MAML2: variants seen among roughly 807,000 people sequenced by gnomAD.
MAML2 encodes the protein mastermind-like protein 2.
Under a neutral mutation model 96.1 loss-of-function variants are expected in MAML2, and 22 were observed. The observed-to-expected ratio is 0.23, with a 90% confidence interval of 0.16 to 0.33. The LOEUF is 0.33. Among genes scored for constraint, MAML2 ranks in the 10% least tolerant of loss-of-function variants. The pLI is 1.00. For synonymous variants in MAML2, 561 were observed against 521.3 expected (o/e 1.08, Z -1.04); for missense variants, 1,367 against 1,392.4 (o/e 0.98, Z 0.29).
At chr11:96,230,865 A>G (rs1591085237) in intron 1 of MAML2, among the ~76,000 whole-genome samples, 1 of 152,368 alleles carries the variant, frequency 6.6e-6, no homozygotes, top group African/African-American at 2.4e-5. Context: ...GTGTTGTAAG[A>G]GATCATCACA....
At chr11:96,206,539 A>G (rs929181595) in intron 1 of MAML2, among the ~76,000 whole-genome samples, 1 of 152,240 alleles carries the variant, frequency 6.6e-6, no homozygotes, top group Non-Finnish European at 1.5e-5. Context: ...CGGAGGTTGC[A>G]GTGAGCCGAG....
chr11:96,172,970 T>C (rs1861321668), intron 1 of MAML2, among the ~76,000 whole-genome samples: 1 of 152,234 alleles, frequency 6.6e-6, no homozygotes, highest in Admixed American at 6.5e-5. Flanking sequence ...GCATGCACCC[T>C]TTTTGCCAGT....
intron 2 of MAML2, among the ~76,000 whole-genome samples, chr11:96,063,492 C>T (rs1018004051): frequency 1.3e-5 from 2 of 152,126 alleles, no homozygotes; most frequent in African/African-American, 4.8e-5. Context: ...TAATAACCAC[C>T]ATGGACTGAG....
intron 1 of MAML2, among the ~76,000 whole-genome samples, chr11:96,124,591 A>G (rs918574898): frequency 1.5e-4 from 23 of 152,322 alleles, no homozygotes; most frequent in African/African-American, 4.6e-4. Flanking sequence ...TGCACACTCA[A>G]AGGATAAAGT....
chr11:95,991,527 G>A lies in MAML2; in HGVS notation c.2336C>T (p.Ala779Val), dbSNP rs754872522. 5 of 1,613,102 alleles carry A rather than the reference G, an allele frequency of 3.1e-6. No individual in the cohort carries two copies. In the South Asian group the frequency reaches 3.3e-5, roughly 11 times the overall value. ...QQLLLQQQML[A>V]DAEKIAPQDQ... The stretch of plus-strand genomic sequence containing the variant: ...ATTAAGAGAAAGTTTTACCGCGTCA[G>A]CCAGCATCTGCTGCTGGAGAAGAAG... The change falls in exon 3 of 5, where the codon GCT (alanine) becomes GTT (valine). Residue 779 changes from alanine (A) to valine (V), a missense_variant. Coordinates refer to ENST00000524717, the MANE Select transcript of MAML2 (RefSeq NM_032427.4).
intron 1 of MAML2, among the ~76,000 whole-genome samples, chr11:96,258,060 C>T (rs768817487): frequency 5.3e-5 from 8 of 152,030 alleles, no homozygotes; most frequent in Non-Finnish European, 7.4e-5. Flanking sequence ...TAATTTTTAC[C>T]GTGATAGGTT....
chr11:96,061,167 C>G (rs1045207806), intron 2 of MAML2, among the ~76,000 whole-genome samples: 1 of 152,150 alleles, frequency 6.6e-6, no homozygotes, highest in African/African-American at 2.4e-5. Flanking sequence ...TGCAGGTTGT[C>G]GAATTCCCAA....
At chr11:96,139,393 C>T (rs900307404) in intron 1 of MAML2, among the ~76,000 whole-genome samples, 2 of 151,302 alleles carry the variant, frequency 1.3e-5, no homozygotes, top group African/African-American at 4.9e-5. Context: ...AGGAGAATGG[C>T]GTGAACCTGG....
intron 2 of MAML2, among the ~76,000 whole-genome samples, chr11:96,082,815 G>T (rs971954211): frequency 6.6e-6 from 1 of 152,202 alleles, no homozygotes; most frequent in South Asian, 2.1e-4. Context: ...CAGCAGTGGA[G>T]GCAGAGACGT....
intron 2 of MAML2, among the ~76,000 whole-genome samples, chr11:96,037,994 C>A (rs1676199057): frequency 6.6e-6 from 1 of 152,030 alleles, no homozygotes; most frequent in Admixed American, 6.6e-5. Context: ...TGTTGAAAAT[C>A]CACATTCTTG....
chr11:96,265,140 G>A (rs78392734), intron 1 of MAML2, among the ~76,000 whole-genome samples: 3,128 of 152,314 alleles, frequency 0.021, 42 homozygotes, highest in Non-Finnish European at 0.03. Flanking sequence ...ACAGCTAGAG[G>A]ACAAGCTACA....
intron 1 of MAML2, among the ~76,000 whole-genome samples, chr11:96,170,108 C>A (rs925748581): frequency 2.0e-5 from 3 of 152,220 alleles, no homozygotes; most frequent in Non-Finnish European, 4.4e-5. Flanking sequence ...CAGCATCACA[C>A]GGTCCCTTTC....
chr11:96,162,179 T>G (rs947278024), intron 1 of MAML2, among the ~76,000 whole-genome samples: 1 of 39,100 alleles, frequency 2.6e-5, no homozygotes, highest in Non-Finnish European at 6.0e-5. Flanking sequence ...AATCTAACTT[T>G]TTTTTTTTTT....
chr11:96,055,098 G>A (rs1310265749), intron 2 of MAML2, among the ~76,000 whole-genome samples: 1 of 152,076 alleles, frequency 6.6e-6, no homozygotes, highest in Non-Finnish European at 1.5e-5. Flanking sequence ...AGGACAAACA[G>A]GATACTGATA....
chr11:96,162,340 A>G (rs576936250), intron 1 of MAML2, among the ~76,000 whole-genome samples: 5 of 151,702 alleles, frequency 3.3e-5, no homozygotes, highest in Non-Finnish European at 5.9e-5. Context: ...AAAGCTAGTT[A>G]GATACTCAGA....
chr11:96,104,945 T>C (rs1315916399), intron 1 of MAML2, among the ~76,000 whole-genome samples: 1 of 152,174 alleles, frequency 6.6e-6, no homozygotes, highest in South Asian at 2.1e-4. Flanking sequence ...ACCCATAACC[T>C]TCCAATAAAT....
Position 96,140,250 on chromosome 11 carries a change from A to G in MAML2, c.514-46733T>C, listed in dbSNP as rs141161848. ...ATTAATTGCTTACCCTGCTAATATC[A>G]ATTCATTTTCACCTTCTTGCTTTGG... On this transcript the variant is annotated intron_variant, in intron 1 of 4. Transcript: ENST00000524717. Among the ~76,000 whole-genome samples, 586 of 152,334 alleles carry G rather than the reference A, an allele frequency of 3.8e-3. 4 individuals carry two copies. Among genetic ancestry groups the G allele is most frequent in the South Asian group, 0.021 (102 of 4,832 alleles).
At chr11:96,103,371 T>C (rs1489098760) in intron 1 of MAML2, among the ~76,000 whole-genome samples, 1 of 152,174 alleles carries the variant, frequency 6.6e-6, no homozygotes, top group Non-Finnish European at 1.5e-5. Context: ...TTCTCTGCCA[T>C]TGGCCATGAA....
rs1349549744 is a variant in MAML2 at position 95,976,850 on chromosome 11, T to A, written c.*2098A>T. 5.4e-6 allele frequency: 1 copy of A among 186,566 alleles called. No individual in the cohort carries two copies. Among genetic ancestry groups the A allele is most frequent in the African/African-American group, 2.3e-5 (1 of 42,732 alleles). The allele number at this position is 186,566 out of a possible 1,614,324, so 11.6% of individuals were successfully genotyped here. On this transcript the variant is annotated 3_prime_UTR_variant, in exon 5 of 5. Coordinates refer to ENST00000524717, the MANE Select transcript of MAML2 (RefSeq NM_032427.4). ...ACAAAAGCGTTTATATGTACATCATTTTTTTTCTTTTTGTATGGAGAAATG... is the reference window on the plus strand; with the variant it reads ...ACAAAAGCGTTTATATGTACATCATATTTTTTCTTTTTGTATGGAGAAATG...
Sources: gnomAD v4.1 joint callset for allele counts (sites outside exome capture counted in the v4.1 genomes callset) on GRCh38, gnomAD v4.1.1 for gene constraint, MANE v1.5 for transcripts, NCBI Gene and HGNC (gene_info 2026-07-23, HGNC 2026-07-21) for gene names.